The following ADAMTS13 variants were observed in gnomAD, a reference collection of about 807,000 sequenced individuals.
The protein encoded by ADAMTS13 is ADAM metallopeptidase with thrombospondin type 1 motif 13.
Under a neutral mutation model 155.1 loss-of-function variants are expected in ADAMTS13, and 110 were observed. The ratio of observed to expected loss-of-function variants is 0.71; its 90% CI spans 0.61 to 0.83. The LOEUF is 0.83. ADAMTS13 is among the 40% of genes least tolerant of loss of function. The pLI, the probability that ADAMTS13 is intolerant of heterozygous loss-of-function variation, is 0.00. For missense variants in ADAMTS13, 1,707 were observed against 1,891.7 expected (o/e 0.90, Z 1.81); for synonymous variants, 758 against 756.4 (o/e 1.00, Z -0.03).
rs782184693 is a variant in ADAMTS13, at chr9:133,429,971, C to T, written c.857C>T (p.Pro286Leu). Residue 286 changes from proline (P) to leucine (L), a missense_variant, in exon 8 of 29, where the codon CCG (proline) becomes CTG (leucine). Around this residue, in one of 3 missense-constraint regions of ADAMTS13, gnomAD observed 733 missense variants for 749.6 expected, o/e 0.98. Coordinates refer to ENST00000355699, the MANE Select transcript of ADAMTS13 (RefSeq NM_139027.6). ...AGRARCVWDP[P>L]RPQPGSAGHP... ...CGGGCGCGCTGCGTGTGGGACCCGC[C>T]GCGGCCTCAACCCGGGTCCGCGGGG... 1.9e-6 allele frequency: 3 copies of T among 1,543,182 alleles called. No individual in the cohort carries two copies. Among genetic ancestry groups the T allele is most frequent in the African/African-American group, 2.7e-5 (2 of 73,352 alleles).
chr9:133,458,179 T>C, intron 28 of ADAMTS13, 85 bp downstream of exon 28: 1 of 1,488,118 alleles, frequency 6.7e-7, no homozygotes, highest in Non-Finnish European at 9.2e-7. Context: ...CTTCAGTTTA[T>C]TTCAGACTAA....
In ADAMTS13 at chr9:133,445,834, G is replaced by A; in HGVS notation, c.2731+15G>A. ...CTGCGGGCGAGGTGAGGGCCCCCGGGATGCTCCTGGGGACCAGCACTCATG... is the reference window on the plus strand; with the variant it reads ...CTGCGGGCGAGGTGAGGGCCCCCGGAATGCTCCTGGGGACCAGCACTCATG... On this transcript the variant is annotated intron_variant, in intron 21 of 28. Transcript: ENST00000355699. The surrounding 1 kb of genome is among the most constrained non-coding windows in gnomAD (Gnocchi z 5.0). The A allele has an allele frequency of 6.4e-7, 1 of 1,565,320 alleles. No homozygotes were observed. The highest frequency in any genetic ancestry group is 1.2e-5 in the South Asian group (1 of 85,200).
In ADAMTS13 at chr9:133,444,651, C is replaced by T. The variant is rs890940088; in HGVS notation, c.2421-212C>T. Among the ~76,000 whole-genome samples, 27 of 152,108 alleles carry T rather than the reference C, an allele frequency of 1.8e-4. 1 individual carries two copies. The highest frequency in any genetic ancestry group is 7.9e-4 in the Admixed American group (12 of 15,274). On this transcript the variant is annotated intron_variant, in intron 19 of 28. Transcript: ENST00000355699. ...GGTGGGGTGCCTGACTGTTGAGCAGCGAGTGCTTGTTGAATGGGAACCTGC... is the reference window on the plus strand; with the variant it reads ...GGTGGGGTGCCTGACTGTTGAGCAGTGAGTGCTTGTTGAATGGGAACCTGC...
At chr9:133,455,974 A>G (rs1199956041) in intron 25 of ADAMTS13, 95 bp from the exon 26 acceptor site, 1 of 1,546,866 alleles carries the variant, frequency 6.5e-7, no homozygotes, top group South Asian at 1.1e-5. Context: ...GTCCACCCCT[A>G]CCTCCTGGTC....
intron 1 of ADAMTS13, 113 bp from the exon 2 acceptor site, chr9:133,422,988 C>G: frequency 3.1e-6 from 2 of 648,712 alleles, no homozygotes. Context: ...GTTGCCCCAG[C>G]TGGTCTCAAA....
In ADAMTS13 at chr9:133,448,624, C is replaced by G; in HGVS notation, c.2757C>G (p.Cys919Trp). 1 of 1,610,444 alleles carries G rather than the reference C, an allele frequency of 6.2e-7. No individual in the cohort carries two copies. The highest frequency in any genetic ancestry group is 8.5e-7 in the Non-Finnish European group (1 of 1,179,954). Residue 919 changes from cysteine to tryptophan, a missense_variant, in exon 22 of 29, where the codon TGC (cysteine) becomes TGG (tryptophan). Cys to Trp is a radical substitution (Grantham distance 215). Coordinates refer to ENST00000355699, the MANE Select transcript of ADAMTS13 (RefSeq NM_139027.6). ...GTCTGATGGAGCTGCGTTTCCTGTG[C>G]ATGGACTCTGCCCTCAGGGTGCCTG... ...GRGLMELRFLCMDSALRVPVQ... is the reference protein window; with the variant it reads ...GRGLMELRFLWMDSALRVPVQ...
Position 133,428,683 on chromosome 9 carries a change from G to A in ADAMTS13, c.736G>A (p.Gly246Arg). The change falls in exon 7 of 29, where the codon GGA (glycine) becomes AGA (arginine). Residue 246 changes from glycine to arginine, a missense_variant. Physicochemically the swap from Gly to Arg is moderately radical, Grantham distance 125. Coordinates refer to ENST00000355699, the MANE Select transcript of ADAMTS13 (RefSeq NM_139027.6). ...GAPGSGCGPS[G>R]HVMASDGAAP... ...GCCCGGCAGCGGCTGCGGCCCCAGC[G>A]GACACGTGATGGCTTCGGACGGCGC... 1.5e-6 allele frequency: 2 copies of A among 1,363,480 alleles called. No individual in the cohort carries two copies. Among genetic ancestry groups the A allele is most frequent in the Middle Eastern group, 2.7e-4 (1 of 3,670 alleles). 84.5% of individuals were successfully genotyped at this position (1,363,480 alleles called of 1,614,324 possible).
chr9:133,426,158 G>A (rs377634140), intron 5 of ADAMTS13, 41 bp from the exon 6 acceptor site: 202 of 1,613,966 alleles, frequency 1.3e-4, no homozygotes, highest in Admixed American at 4.0e-4. Context: ...GGGCAGGCAC[G>A]TGCCTTGGCA....
At position 133,445,937 on chromosome 9, in the gene ADAMTS13, G is replaced by A. The variant is rs1588190347; in HGVS notation, c.2731+118G>A. 2 of 1,379,870 alleles carry A rather than the reference G, an allele frequency of 1.4e-6. No individual in the cohort carries two copies. Among genetic ancestry groups the A allele is most frequent in the Admixed American group, 2.7e-5 (1 of 37,632 alleles). The allele number at this position is 1,379,870 out of a possible 1,614,324, so 85.5% of individuals were successfully genotyped here. On this transcript the variant is annotated intron_variant, in intron 21 of 28. Transcript: ENST00000355699. This position sits in a 1 kb window ranked among gnomAD's most constrained non-coding sequence, Gnocchi z 5.0. ...GGATTGCAGAAAATCCAGACTATAT[G>A]GGAACACGTGGTAATACACAAGGAG... is the stretch of plus-strand genomic sequence containing the variant.
rs1842038337 is a variant in ADAMTS13, at chr9:133,445,932, T to G, written c.2731+113T>G. ...GAGGTGGATTGCAGAAAATCCAGACTATATGGGAACACGTGGTAATACACA... is the reference window on the plus strand; with the variant it reads ...GAGGTGGATTGCAGAAAATCCAGACGATATGGGAACACGTGGTAATACACA... On this transcript the variant is annotated intron_variant, in intron 21 of 28. Coordinates refer to ENST00000355699, the MANE Select transcript of ADAMTS13 (RefSeq NM_139027.6). The surrounding 1 kb of genome is among the most constrained non-coding windows in gnomAD (Gnocchi z 5.0). 1.4e-6 allele frequency: 2 copies of G among 1,418,986 alleles called. No homozygotes were observed. Among genetic ancestry groups the G allele is most frequent in the Non-Finnish European group, 9.4e-7 (1 of 1,067,144 alleles). The allele number at this position is 1,418,986 out of a possible 1,614,324, so 87.9% of individuals were successfully genotyped here.
chr9:133,428,240 G>C (rs953588787), intron 6 of ADAMTS13, among the ~76,000 whole-genome samples: 3 of 152,202 alleles, frequency 2.0e-5, no homozygotes, highest in African/African-American at 7.2e-5. Flanking sequence ...CCTCACAGTA[G>C]GTGAATTTCA....
At chr9:133,455,147 C>T (rs1435627501) in intron 24 of ADAMTS13, 138 bp from the exon 25 acceptor site, 8 of 961,560 alleles carry the variant, frequency 8.3e-6, no homozygotes, top group East Asian at 2.4e-5. Context: ...TCAGTTTTCT[C>T]ATCTGTGGAA....
rs782035558 is a variant in ADAMTS13 at position 133,456,986 on chromosome 9, C to T, written c.3724+267C>T. The T allele has an allele frequency of 3.1e-5, 18 of 585,522 alleles. No homozygotes were observed. The highest frequency in any genetic ancestry group is 2.0e-4 in the East Asian group (6 of 30,664). The allele number at this position is 585,522 out of a possible 1,614,324, so 36.3% of individuals were successfully genotyped here. ...TGGTCCACATCCTCAGTCAGTCCCT[C>T]AGGCCTCTGCCCCACACCCACCTGC... On this transcript the variant is annotated intron_variant, in intron 27 of 28. Coordinates refer to ENST00000355699, the MANE Select transcript of ADAMTS13 (RefSeq NM_139027.6). The surrounding 1 kb of genome is among the most constrained non-coding windows in gnomAD (Gnocchi z 4.4).
chr9:133,459,353 C>T lies in ADAMTS13; in HGVS notation c.*173C>T, dbSNP rs368574327. ...GACTCTGGAAAAGCAGCCCCCATTT[C>T]CTCGGGTACCAATAAATAAAACATG... On this transcript the variant is annotated 3_prime_UTR_variant, in exon 29 of 29. Transcript: ENST00000355699. 2 of 733,226 alleles carry T rather than the reference C, an allele frequency of 2.7e-6. No individual in the cohort carries two copies. The highest frequency in any genetic ancestry group is 1.7e-5 in the African/African-American group (1 of 57,894). 45.4% of individuals were successfully genotyped at this position (733,226 alleles called of 1,614,324 possible). A position where few individuals can be genotyped will look rare whatever the true frequency, so the allele number is the denominator to read the frequency against.
chr9:133,422,276 C>T (rs36218240), upstream of ADAMTS13: 2,491 of 669,392 alleles, frequency 3.7e-3, 15 homozygotes, highest in Middle Eastern at 0.039. Context: ...CTGCAGGCCG[C>T]CCACCCTAGC....
Position 133,425,668 on chromosome 9 carries a change from G to A in ADAMTS13, c.414+56G>A, listed in dbSNP as rs114305329. The A allele has an allele frequency of 7.6e-5, 119 of 1,563,714 alleles. No individual in the cohort carries two copies. The African/African-American group carries it at 8.1e-4, about 11-fold the overall frequency. On this transcript the variant is annotated intron_variant, in intron 4 of 28. Transcript: ENST00000355699. This position sits in a 1 kb window ranked among gnomAD's most constrained non-coding sequence, Gnocchi z 4.6. ...TACAGAGCGGGAAGCCCAAGTCATC[G>A]CATCTCCATCCTCTTTAACCTCTTG...
chr9:133,423,681 A>C (rs921670156), intron 2 of ADAMTS13, among the ~76,000 whole-genome samples: 13 of 152,170 alleles, frequency 8.5e-5, no homozygotes, highest in Non-Finnish European at 1.9e-4. Flanking sequence ...TGGGGGCCAG[A>C]GGCAGGTGGG....
At chr9:133,430,683 T>A (rs1840686418) in intron 8 of ADAMTS13, among the ~76,000 whole-genome samples, 1 of 139,456 alleles carries the variant, frequency 7.2e-6, no homozygotes, top group African/African-American at 2.8e-5. Flanking sequence ...AATACAAGTC[T>A]TTTTTTTTCC....
intron 23 of ADAMTS13, among the ~76,000 whole-genome samples, chr9:133,453,851 G>A (rs991785442): frequency 2.6e-5 from 4 of 152,114 alleles, no homozygotes; most frequent in South Asian, 2.1e-4. Context: ...GTGCCAAGCC[G>A]CGGAAGGCAC....
Sources: allele counts gnomAD v4.1 joint callset (sites outside exome capture counted in the v4.1 genomes callset), GRCh38; gene constraint gnomAD v4.1.1; regional missense constraint gnomAD v4.1.1; non-coding constraint Gnocchi (gnomAD v3.1); transcripts MANE v1.5; gene names NCBI Gene and HGNC (gene_info 2026-07-23, HGNC 2026-07-21).